The following CORO7 variants were observed in gnomAD, a reference collection of about 807,000 sequenced individuals.
The protein encoded by CORO7 is coronin 7.
CORO7 carries 107 observed loss-of-function variants against 126.6 expected under a neutral mutation model. The ratio of observed to expected loss-of-function variants is 0.85; its 90% CI spans 0.72 to 0.99. The LOEUF is 0.99. Ranked by LOEUF, CORO7 falls within the 50% of genes least tolerant of loss-of-function variation. The pLI is 0.00. For synonymous variants in CORO7, 603 were observed against 536.8 expected, an observed-to-expected ratio of 1.12 and a Z score of -1.70; for missense variants, 1,314 against 1,255.8, an observed-to-expected ratio of 1.05 and a Z score of -0.70.
chr16:4,413,353 T>C lies in CORO7; in HGVS notation c.112A>G (p.Ile38Val), dbSNP rs1442636185. Residue 38 changes from isoleucine (I) to valine (V), a missense_variant, in exon 2 of 28, where the codon ATC becomes GTC. Physicochemically the swap from Ile to Val is conservative, Grantham distance 29. Transcript: ENST00000251166. ...GCGATCAAGCTGCAGCTTGATTTGA[T>C]GTGGTTCCTGCATGAAGGGGCGGTT... ...AGTAPSCRNHIKSSCSLIAFN... is the reference protein window; with the variant it reads ...AGTAPSCRNHVKSSCSLIAFN... The C allele has an allele frequency of 1.3e-6, 2 of 1,586,972 alleles. No homozygotes were observed. The highest frequency in any genetic ancestry group is 2.3e-5 in the East Asian group (1 of 44,090).
At chr16:4,380,924 C>A in intron 9 of CORO7, 1 of 1,581,338 alleles carries the variant, frequency 6.3e-7, no homozygotes, top group South Asian at 1.1e-5. Context: ...CTGCTACTGG[C>A]CCTGGGGCCT....
chr16:4,362,185 C>T lies in CORO7; in HGVS notation c.1403-25G>A, dbSNP rs371460744. ...CCTGGCAGGTGGCAGGGACATGGAACCACGTGTGAGGATGCCGTCCCCGCC... is the reference window on the plus strand; with the variant it reads ...CCTGGCAGGTGGCAGGGACATGGAATCACGTGTGAGGATGCCGTCCCCGCC... On this transcript the variant is annotated intron_variant, in intron 15 of 27. Coordinates refer to ENST00000251166, the MANE Select transcript of CORO7 (RefSeq NM_024535.5). The surrounding 1 kb of genome is among the most constrained non-coding windows in gnomAD (Gnocchi z 5.3). 3 of 1,597,216 alleles carry T rather than the reference C, an allele frequency of 1.9e-6. No homozygotes were observed. The highest frequency in any genetic ancestry group is 2.1e-4 in the Middle Eastern group (1 of 4,872).
Position 4,355,055 on chromosome 16 carries a change from CAT to C in CORO7, c.*101_*102del, listed in dbSNP as rs1233257737. The C allele has an allele frequency of 5.3e-6, 7 of 1,311,808 alleles. No individual in the cohort carries two copies. The highest frequency in any genetic ancestry group is 7.1e-6 in the Non-Finnish European group (7 of 984,282). The allele number at this position is 1,311,808 out of a possible 1,614,324, so 81.3% of individuals were successfully genotyped here. A position where few individuals can be genotyped will look rare whatever the true frequency, so the allele number is the denominator to read the frequency against. On this transcript the variant is annotated 3_prime_UTR_variant, in exon 28 of 28. Transcript: ENST00000251166. Reference sequence around the variant, plus strand: ...CGGGAAGGCAGGAGTGCAGGGGTGACATGTGCCGGGGCCAGAGAGGTATCTTC... The same window carrying C: ...CGGGAAGGCAGGAGTGCAGGGGTGACGTGCCGGGGCCAGAGAGGTATCTTC...
At chr16:4,359,768 C>T in intron 21 of CORO7, 147 bp from the exon 22 acceptor site, 12 of 1,050,894 alleles carry the variant, frequency 1.1e-5, no homozygotes, top group Non-Finnish European at 1.6e-5. Context: ...CCTAACCTGC[C>T]CCTCCACCTC....
Position 4,361,237 on chromosome 16 carries a change from C to T in CORO7, c.1699G>A (p.Ala567Thr), listed in dbSNP as rs201341218. 7.6e-5 allele frequency: 123 copies of T among 1,612,530 alleles called. No individual in the cohort carries two copies. Among genetic ancestry groups the T allele is most frequent in the African/African-American group, 8.0e-5 (6 of 74,928 alleles). Residue 567 changes from alanine (A) to threonine (T), a missense_variant, in exon 18 of 28, where the codon GCC (alanine) becomes ACC (threonine). Coordinates refer to ENST00000251166, the MANE Select transcript of CORO7 (RefSeq NM_024535.5). Reference sequence around the variant, plus strand: ...GGTACCCGCCACAGTCGGATCCTGGCGTCCTCACCAGCTGCAGAGGACAGA... The same window carrying T: ...GGTACCCGCCACAGTCGGATCCTGGTGTCCTCACCAGCTGCAGAGGACAGA... ...PHRLAVAGED[A>T]RIRLWRVPAE...
In CORO7 at chr16:4,388,057, G is replaced by C. The variant is rs747032459; in HGVS notation, c.714C>G (p.Arg238=). The part of the protein sequence containing the change: ...VSTGFNQMRE[R]EVKLWDTRFF... ...ACCGCGTGTCCCACAGCTTCACTTC[G>C]CGCTCACGCATCTGCAGGGAGGGCG... The change falls in exon 9 of 28, where the codon CGC becomes CGG. Residue 238 remains arginine (R), a synonymous_variant. Transcript: ENST00000251166. 1.9e-6 allele frequency: 3 copies of C among 1,612,646 alleles called. No homozygotes were observed. The highest frequency in any genetic ancestry group is 2.5e-6 in the Non-Finnish European group (3 of 1,179,724).
At chr16:4,383,116 G>A (rs562289074) in intron 9 of CORO7, 3 of 555,888 alleles carry the variant, frequency 5.4e-6, no homozygotes, top group South Asian at 3.1e-5. Context: ...CCCCAGAACC[G>A]AGTGCCTATG....
intron 9 of CORO7, among the ~76,000 whole-genome samples, chr16:4,380,260 G>T (rs2054906716): frequency 6.6e-6 from 1 of 152,150 alleles, no homozygotes; most frequent in Non-Finnish European, 1.5e-5. Context: ...CCTCCTCCAG[G>T]AACCTTCCCG....
At chr16:4,377,251 C>T (rs1262643070) in intron 9 of CORO7, among the ~76,000 whole-genome samples, 1 of 152,046 alleles carries the variant, frequency 6.6e-6, no homozygotes, top group Non-Finnish European at 1.5e-5. Flanking sequence ...AATCCCAGGG[C>T]TGCCTCCGGA....
chr16:4,407,239 C>T (rs545064530), intron 5 of CORO7, among the ~76,000 whole-genome samples: 15 of 151,206 alleles, frequency 9.9e-5, no homozygotes, highest in African/African-American at 1.7e-4. Flanking sequence ...TGAGCCACCG[C>T]GCCCGGCCAT....
chr16:4,357,426 A>G lies in CORO7; in HGVS notation c.2594-167T>C, dbSNP rs1477059624. On this transcript the variant is annotated intron_variant, in intron 25 of 27. Transcript: ENST00000251166. ...AGGCTGGAGTGCAATGATGTGACCT[A>G]GGCTGACTGCAACCTCCGCCTCCTC... 7.4e-6 allele frequency: 5 copies of G among 672,460 alleles called. No individual in the cohort carries two copies. The Admixed American group carries it at 1.5e-4, about 21-fold the overall frequency. 41.7% of individuals were successfully genotyped at this position (672,460 alleles called of 1,614,324 possible).
intron 1 of CORO7, chr16:4,415,810 C>A (rs910574986): frequency 3.6e-5 from 35 of 985,492 alleles, no homozygotes; most frequent in Admixed American, 6.1e-5. Flanking sequence ...AAGGGTCTCC[C>A]GGCACCTGGC....
intron 9 of CORO7, among the ~76,000 whole-genome samples, chr16:4,370,803 G>A (rs1445982128): frequency 3.9e-4 from 43 of 111,288 alleles, no homozygotes; most frequent in Admixed American, 3.8e-3. Flanking sequence ...GCCTCCCAGG[G>A]ATAAGCCTTC....
chr16:4,398,247 T>C lies in CORO7; in HGVS notation c.565-2908A>G, dbSNP rs373510231. Among the ~76,000 whole-genome samples, 121 of 152,264 alleles carry C rather than the reference T, an allele frequency of 7.9e-4. 4 individuals are homozygous for C. The South Asian group carries it at 0.021, about 27-fold the overall frequency. On this transcript the variant is annotated intron_variant, in intron 6 of 27. Transcript: ENST00000251166. ...AATATACATTTTAAAAATATATATA[T>C]AGAAATGGCCAAAAAGCGTATGAAA...
chr16:4,374,465 G>A (rs1234047587), intron 9 of CORO7, among the ~76,000 whole-genome samples: 3 of 152,136 alleles, frequency 2.0e-5, no homozygotes, highest in African/African-American at 7.2e-5. Flanking sequence ...CAGACTCTTC[G>A]TGGGGAATGC....
At chr16:4,383,017 G>C in intron 9 of CORO7, 2 of 1,142,958 alleles carry the variant, frequency 1.7e-6, no homozygotes, top group East Asian at 2.7e-5. Flanking sequence ...TGCAGACAGG[G>C]CTGTGTGACC....
At chr16:4,389,239 C>T (rs1225789921) in intron 7 of CORO7, among the ~76,000 whole-genome samples, 5 of 152,282 alleles carry the variant, frequency 3.3e-5, no homozygotes, top group East Asian at 3.9e-4. Flanking sequence ...CTGGCCCTCC[C>T]GAGGTGCTGG....
At chr16:4,368,942 C>T (rs2054432644) in intron 9 of CORO7, among the ~76,000 whole-genome samples, 1 of 152,168 alleles carries the variant, frequency 6.6e-6, no homozygotes, top group Non-Finnish European at 1.5e-5. Context: ...AGGCAGGTCT[C>T]CTGTGGCCCC....
chr16:4,405,274 G>A (rs530545913), intron 6 of CORO7, among the ~76,000 whole-genome samples: 1 of 152,250 alleles, frequency 6.6e-6, no homozygotes, highest in Non-Finnish European at 1.5e-5. Context: ...GACCAGCGTG[G>A]GCTCTCATCT....
Sources: gnomAD v4.1 joint callset for allele counts (sites outside exome capture counted in the v4.1 genomes callset) on GRCh38, gnomAD v4.1.1 for gene constraint, Gnocchi (gnomAD v3.1) non-coding constraint, MANE v1.5 for transcripts, NCBI Gene and HGNC (gene_info 2026-07-23, HGNC 2026-07-21) for gene names.